Variants in FKBP6 observed in about 807,000 individuals in gnomAD.
FKBP6 encodes FKBP prolyl isomerase family member 6 (inactive).
A neutral mutation model predicts 41.7 loss-of-function variants in FKBP6; 29 were observed. That is an observed-to-expected ratio of 0.70 (90% CI 0.52 to 0.95). FKBP6 has a LOEUF of 0.95. FKBP6 is among the 40% of genes least tolerant of loss of function. The probability of loss-of-function intolerance (pLI) is 0.00; values close to 1 mark genes in which losing one functional copy is unlikely to be tolerated. For synonymous variants in FKBP6, 130 were observed against 165.1 expected (o/e 0.79, Z 1.63); for missense variants, 338 against 408.7 (o/e 0.83, Z 1.49).
At chr7:73,351,182 A>G (rs1249922581) in intron 8 of FKBP6, among the ~76,000 whole-genome samples, 1 of 152,040 alleles carries the variant, frequency 6.6e-6, no homozygotes, top group African/African-American at 2.4e-5. Flanking sequence ...GACATGCGCT[A>G]CCACTCCCAG....
At chr7:73,334,999 C>T (rs1554548285) in intron 5 of FKBP6, among the ~76,000 whole-genome samples, 1 of 152,176 alleles carries the variant, frequency 6.6e-6, no homozygotes, top group Non-Finnish European at 1.5e-5. Context: ...AAGGCATGTA[C>T]AGCTCTGTTA....
intron 5 of FKBP6, among the ~76,000 whole-genome samples, chr7:73,339,490 C>T (rs1411271787): frequency 6.6e-6 from 1 of 151,772 alleles, no homozygotes; most frequent in Non-Finnish European, 1.5e-5. Context: ...TAGGAAGTTT[C>T]GTGTTTTTTG....
At position 73,329,595 on chromosome 7, in the gene FKBP6, C is replaced by G. The variant is rs1804768748; in HGVS notation, c.265+146C>G. On this transcript the variant is annotated intron_variant, in intron 3 of 8. Coordinates refer to ENST00000252037, the MANE Select transcript of FKBP6 (RefSeq NM_003602.5). ...GGTTTTGGTAACACAGCCATGTTCT[C>G]TCCCCTTGAGACCTAGGCATTTGGG... is the stretch of plus-strand genomic sequence containing the variant. 2.9e-5 allele frequency: 21 copies of G among 715,324 alleles called. No individual in the cohort carries two copies. In the South Asian group the frequency reaches 3.1e-4, roughly 11 times the overall value. 44.3% of individuals were successfully genotyped at this position (715,324 alleles called of 1,614,324 possible).
chr7:73,328,865 G>A (rs1804730458), intron 2 of FKBP6, among the ~76,000 whole-genome samples, 173 bp downstream of exon 2: 1 of 152,138 alleles, frequency 6.6e-6, no homozygotes, highest in South Asian at 2.1e-4. Context: ...CTGGAGTGCA[G>A]TGGTGCGATC....
chr7:73,352,638 C>A (rs1367089920), intron 8 of FKBP6, among the ~76,000 whole-genome samples: 2 of 152,116 alleles, frequency 1.3e-5, no homozygotes, highest in African/African-American at 4.8e-5. Context: ...AGCCACCGAC[C>A]CAGGGTGAAG....
At chr7:73,340,917 CTTTTTTTTTTTT>C (rs368227645) in intron 6 of FKBP6, 85 bp downstream of exon 6, 13 of 483,010 alleles carry the variant, frequency 2.7e-5, no homozygotes, top group Admixed American at 6.7e-5. Context: ...AAAATGCTGT[CTTTTTTTTTTTT>C]TTTTTTTTTT....
rs781951342 is a variant in FKBP6 at position 73,328,530 on chromosome 7, C to T, written c.57+45C>T. 2.2e-5 allele frequency: 34 copies of T among 1,555,632 alleles called. No homozygotes were observed. The African/African-American group carries it at 3.8e-4, about 17-fold the overall frequency. On this transcript the variant is annotated intron_variant, in intron 1 of 8. Transcript: ENST00000252037. ...GGGGGCGTAGACGCTGAGGGGTGGC[C>T]GGGTGGGTCTGCGGCTCTGAGGCCT...
At chr7:73,333,321 A>G (rs1804906063) in intron 5 of FKBP6, among the ~76,000 whole-genome samples, 1 of 151,760 alleles carries the variant, frequency 6.6e-6, no homozygotes. Context: ...TCTCTGGAAC[A>G]TACTCATATA....
chr7:73,345,954 T>G (rs7793764), intron 8 of FKBP6, among the ~76,000 whole-genome samples: 23,968 of 152,016 alleles, frequency 0.16, 2,024 homozygotes, highest in Middle Eastern at 0.2. Flanking sequence ...TGAGAGGTGG[T>G]TAAAGGGAGA....
chr7:73,328,418 G>T lies in FKBP6; in HGVS notation c.-11G>T. The T allele has an allele frequency of 1.3e-6, 2 of 1,566,180 alleles. No homozygotes were observed. Among genetic ancestry groups the T allele is most frequent in the Non-Finnish European group, 8.6e-7 (1 of 1,156,368 alleles). ...GCCGAAGGCTCACGCCACAGGGAGG[G>T]CAGCTAGGACATGGGGGGAAGCGCG... is the stretch of plus-strand genomic sequence containing the variant. On this transcript the variant is annotated 5_prime_UTR_variant, in exon 1 of 9. Transcript: ENST00000252037.
intron 8 of FKBP6, among the ~76,000 whole-genome samples, chr7:73,344,494 C>T (rs1340192917): frequency 2.6e-5 from 4 of 152,202 alleles, no homozygotes; most frequent in Non-Finnish European, 5.9e-5. Context: ...TCTTTGCTCT[C>T]CCTGCTCCCC....
chr7:73,349,567 AT>A (rs1156617868), intron 8 of FKBP6, among the ~76,000 whole-genome samples: 6 of 148,748 alleles, frequency 4.0e-5, no homozygotes, highest in African/African-American at 9.9e-5. Flanking sequence ...AAAAAAAAAA[AT>A]ACAGGCGTGG....
chr7:73,343,786 A>G, intron 8 of FKBP6, among the ~76,000 whole-genome samples: 1 of 152,206 alleles, frequency 6.6e-6, no homozygotes, highest in East Asian at 1.9e-4. Flanking sequence ...TTAGCTGCAC[A>G]GATAACTCTG....
At chr7:73,344,172 G>T (rs1805273830) in intron 8 of FKBP6, among the ~76,000 whole-genome samples, 1 of 152,218 alleles carries the variant, frequency 6.6e-6, no homozygotes, top group Non-Finnish European at 1.5e-5. Flanking sequence ...GAAGGGCAGT[G>T]ACTGTTTGCC....
chr7:73,341,920 C>T (rs1756502787), intron 7 of FKBP6, among the ~76,000 whole-genome samples: 1 of 152,030 alleles, frequency 6.6e-6, no homozygotes, highest in Admixed American at 6.5e-5. Context: ...CCCACCTCGT[C>T]CTTCCAAAGT....
intron 5 of FKBP6, among the ~76,000 whole-genome samples, chr7:73,332,160 G>A (rs1214807098): frequency 6.6e-6 from 1 of 151,776 alleles, no homozygotes; most frequent in Non-Finnish European, 1.5e-5. Flanking sequence ...TACCGCGCCC[G>A]GCAAAAAACA....
chr7:73,334,896 A>G (rs1554548273), intron 5 of FKBP6, among the ~76,000 whole-genome samples: 1 of 152,164 alleles, frequency 6.6e-6, no homozygotes, highest in East Asian at 1.9e-4. Context: ...AGATATTTTC[A>G]GATACCCAGT....
chr7:73,347,609 T>C (rs568801047), intron 8 of FKBP6, among the ~76,000 whole-genome samples: 1 of 152,338 alleles, frequency 6.6e-6, no homozygotes, highest in Admixed American at 6.5e-5. Context: ...AATACTGATG[T>C]TCTTGGCTTC....
chr7:73,329,215 G>A (rs547085608), intron 2 of FKBP6, 145 bp from the exon 3 acceptor site: 1 of 755,194 alleles, frequency 1.3e-6, no homozygotes, highest in East Asian at 2.5e-5. Context: ...AAAATGCAGA[G>A]AGAAGATTTA....
Sources: gnomAD v4.1 joint callset for allele counts (sites outside exome capture counted in the v4.1 genomes callset) on GRCh38, gnomAD v4.1.1 for gene constraint, MANE v1.5 for transcripts, NCBI Gene and HGNC (gene_info 2026-07-23, HGNC 2026-07-21) for gene names.